MYO15B: variants seen among roughly 807,000 people sequenced by gnomAD.
MYO15B encodes the protein myosin XVB.
In MYO15B, 207 loss-of-function variants were observed where a neutral mutation model predicts 119.3. The observed-to-expected ratio is 1.73, with a 90% CI of 1.55 to 1.95. The LOEUF (loss-of-function observed/expected upper bound fraction) is 1.95. Among genes scored for constraint, MYO15B ranks in the 30% most tolerant of loss-of-function variants. MYO15B has a pLI of 0.00. For missense variants in MYO15B, 2,264 were observed against 1,203.1 expected, an observed-to-expected ratio of 1.88 and a Z score of -13.04; for synonymous variants, 966 against 498.9, an observed-to-expected ratio of 1.94 and a Z score of -12.48.
intron 53 of MYO15B, among the ~76,000 whole-genome samples, chr17:75,622,523 G>A (rs949621217): frequency 5.9e-5 from 9 of 152,210 alleles, no homozygotes; most frequent in Non-Finnish European, 1.2e-4. Context: ...GTGGGTCCAG[G>A]CCACCACAGG....
At chr17:75,612,920 G>A in intron 26 of MYO15B, 27 bp downstream of exon 26, 1 of 696,016 alleles carries the variant, frequency 1.4e-6, no homozygotes, top group South Asian at 1.5e-5. Flanking sequence ...AGAAGGGACA[G>A]GATAGGCGCC....
At chr17:75,620,381 C>T (rs779607310) in intron 48 of MYO15B, 24 bp downstream of exon 48, 8 of 702,782 alleles carry the variant, frequency 1.1e-5, no homozygotes, top group Admixed American at 4.0e-5. Flanking sequence ...CCGGCAGGGG[C>T]TCACACAGGG....
At chr17:75,595,817 A>G (rs531894804) in intron 12 of MYO15B, among the ~76,000 whole-genome samples, 2 of 152,292 alleles carry the variant, frequency 1.3e-5, no homozygotes, top group East Asian at 3.9e-4. Context: ...GAGGCTCTGC[A>G]CCCCTTTACA....
In MYO15B at chr17:75,625,671, G is replaced by A. The variant is rs752726186; in HGVS notation, c.8938+11G>A. ...AGATCAGCTTCATTGGTGGGTCTGG[G>A]ACTAGGGGACCGCTGGGTGGGGGCT... is the stretch of plus-strand genomic sequence containing the variant. On this transcript the variant is annotated intron_variant, in intron 61 of 63. Transcript: ENST00000645453. The A allele has an allele frequency of 2.8e-6, 2 of 702,904 alleles. No homozygotes were observed. Among genetic ancestry groups the A allele is most frequent in the South Asian group, 3.0e-5 (2 of 67,590 alleles). The allele number at this position is 702,904 out of a possible 1,614,324, so 43.5% of individuals were successfully genotyped here. A position where few individuals can be genotyped will look rare whatever the true frequency, so the allele number is the denominator to read the frequency against.
exon 52 of MYO15B, chr17:75,621,558 G>C (rs1228225288): frequency 1.4e-6 from 1 of 701,478 alleles, no homozygotes; most frequent in African/African-American, 1.7e-5. Context: ...GCTGGCTGTA[G>C]CCAGCTTCCT....
intron 21 of MYO15B, 35 bp from the exon 22 acceptor site, chr17:75,610,131 T>C: frequency 1.5e-6 from 1 of 680,948 alleles, no homozygotes; most frequent in East Asian, 2.7e-5. Context: ...AAGTTTGGAC[T>C]CTTCATTTCG....
chr17:75,618,340 A>G (rs2058502790), intron 43 of MYO15B, among the ~76,000 whole-genome samples, 155 bp downstream of exon 43: 1 of 152,192 alleles, frequency 6.6e-6, no homozygotes, highest in South Asian at 2.1e-4. Flanking sequence ...CCTTCATTGA[A>G]CCTTCACAAC....
intron 1 of MYO15B, 124 bp downstream of exon 1, chr17:75,590,367 T>C: frequency 2.5e-6 from 1 of 398,360 alleles, no homozygotes; most frequent in Non-Finnish European, 4.4e-6. Context: ...GCTTGAACCC[T>C]CCTGGCAGGA....
At chr17:75,594,505 A>G in exon 10 of MYO15B, 1 of 611,728 alleles carries the variant, frequency 1.6e-6, no homozygotes, top group East Asian at 2.7e-5. Flanking sequence ...TGCTGTGTCT[A>G]GCTGGGCTGA....
chr17:75,618,068 G>C (rs1161354616), intron 42 of MYO15B, 58 bp from the exon 43 acceptor site: 1 of 700,230 alleles, frequency 1.4e-6, no homozygotes, highest in Non-Finnish European at 2.6e-6. Flanking sequence ...GAGGGCAGAG[G>C]CTTGCTGGGA....
chr17:75,603,114 C>T (rs3803725), intron 18 of MYO15B, 37 bp downstream of exon 18: 44,906 of 703,080 alleles, frequency 0.064, 1,651 homozygotes, highest in South Asian at 0.078. Flanking sequence ...GGCCCTCCCC[C>T]TCCCTGCACC....
At chr17:75,607,599 C>T (rs2057739431) in intron 21 of MYO15B, among the ~76,000 whole-genome samples, 1 of 151,562 alleles carries the variant, frequency 6.6e-6, no homozygotes, top group Non-Finnish European at 1.5e-5. Context: ...TACAGGCACC[C>T]ACCACCCGCC....
Position 75,589,359 on chromosome 17 carries a change from C to T in MYO15B, c.1302C>T (p.Gly434=). 1 of 388,196 alleles carries T rather than the reference C, an allele frequency of 2.6e-6. No homozygotes were observed. 24.0% of individuals were successfully genotyped at this position (388,196 alleles called of 1,614,324 possible). ...GCGGGAAAGCGGATGAAGGGCGGGG[C>T]CACGAGCGAGGGGACGAGGGTCGGG... Residue 434 remains glycine, a synonymous_variant, in exon 1 of 64, where the codon GGC becomes GGT. Transcript: ENST00000645453. This position sits in a 1 kb window ranked among gnomAD's most constrained non-coding sequence, Gnocchi z 4.2.
chr17:75,594,644 T>G (rs1012465785), intron 10 of MYO15B, 56 bp downstream of exon 10: 3 of 699,572 alleles, frequency 4.3e-6, no homozygotes, highest in Non-Finnish European at 7.8e-6. Context: ...ACAGGCTGAG[T>G]AAGCACCATG....
In MYO15B at chr17:75,622,203, G is replaced by T. The variant is rs2058748891; in HGVS notation, c.8082+123G>T. The T allele has an allele frequency of 1.4e-5, 9 of 640,218 alleles. No individual in the cohort carries two copies. In the South Asian group the frequency reaches 1.6e-4, roughly 11 times the overall value. The allele number at this position is 640,218 out of a possible 1,614,324, so 39.7% of individuals were successfully genotyped here. A position where few individuals can be genotyped will look rare whatever the true frequency, so the allele number is the denominator to read the frequency against. On this transcript the variant is annotated intron_variant, in intron 53 of 63. Transcript: ENST00000645453. ...CCAAAGTATTTACTGAGCACCCATT[G>T]CGTGCAGGGGGGTGTGGCTGTGAAG...
chr17:75,594,837 CA>C lies in MYO15B; in HGVS notation c.3165-2del. The C allele has an allele frequency of 2.8e-6, 2 of 703,044 alleles. No individual in the cohort carries two copies. The allele number at this position is 703,044 out of a possible 1,614,324, so 43.6% of individuals were successfully genotyped here. A position where few individuals can be genotyped will look rare whatever the true frequency, so the allele number is the denominator to read the frequency against. ...GTGGCTCACCCACCCGCCATGCCTA[CA>C]GGGACGCCCTGGCCAAGGCACTGTA... On this transcript the variant is annotated splice_acceptor_variant, in intron 11 of 63. Coordinates refer to ENST00000645453, the Ensembl canonical transcript of MYO15B. LOFTEE classifies it high-confidence loss of function.
chr17:75,592,596 C>T (rs2056548362), intron 8 of MYO15B, 55 bp downstream of exon 8: 8 of 628,594 alleles, frequency 1.3e-5, no homozygotes, highest in Non-Finnish European at 2.3e-5. Flanking sequence ...AGGATCTCGG[C>T]CCGGAGGTCT....
In MYO15B at chr17:75,589,861, G is replaced by A. The variant is rs1316305977; in HGVS notation, c.1804G>A (p.Gly602Ser). 2.5e-6 allele frequency: 1 copy of A among 398,422 alleles called. No individual in the cohort carries two copies. Among genetic ancestry groups the A allele is most frequent in the Non-Finnish European group, 4.4e-6 (1 of 225,962 alleles). The allele number at this position is 398,422 out of a possible 1,614,324, so 24.7% of individuals were successfully genotyped here. The change falls in exon 1 of 64, where the codon GGC (glycine) becomes AGC (serine). Residue 602 changes from glycine (G) to serine (S), a missense_variant. By Grantham distance (56) the Gly-to-Ser change is moderately conservative. Transcript: ENST00000645453. This position sits in a 1 kb window ranked among gnomAD's most constrained non-coding sequence, Gnocchi z 4.2. ...GGAAGGGGTGTCCGGGCTTCGTCGC[G>A]GCTCCCTCCTTGCCCCGACTGCACC...
chr17:75,598,273 A>T (rs541629212), intron 14 of MYO15B, among the ~76,000 whole-genome samples: 1 of 121,114 alleles, frequency 8.3e-6, no homozygotes, highest in South Asian at 2.8e-4. Flanking sequence ...TCTCAAAAAA[A>T]AGAAAAGAAA....
Sources: gnomAD v4.1 joint callset for allele counts (sites outside exome capture counted in the v4.1 genomes callset) on GRCh38, gnomAD v4.1.1 for gene constraint, Gnocchi (gnomAD v3.1) non-coding constraint, MANE v1.5 for transcripts, NCBI Gene and HGNC (gene_info 2026-07-23, HGNC 2026-07-21) for gene names.